COQ4: variants seen among roughly 807,000 people sequenced by gnomAD.
The protein encoded by COQ4 is coenzyme Q4.
A neutral mutation model predicts 30.2 loss-of-function variants in COQ4; 36 were observed. The ratio of observed to expected loss-of-function variants is 1.19; its 90% confidence interval spans 0.91 to 1.57. The LOEUF (loss-of-function observed/expected upper bound fraction) is 1.57, where lower values mean the gene tolerates loss of function less well. Ranked by LOEUF, COQ4 falls within the 40% of genes most tolerant of loss-of-function variation. The pLI is 0.00. For synonymous variants in COQ4, 197 were observed against 161.0 expected (o/e 1.22, Z -1.69); for missense variants, 369 against 371.9 (o/e 0.99, Z 0.07).
chr9:128,333,718 C>A lies in COQ4; in HGVS notation c.*73C>A. 2.3e-6 allele frequency: 3 copies of A among 1,292,274 alleles called. No individual in the cohort carries two copies. Among genetic ancestry groups the A allele is most frequent in the Non-Finnish European group, 3.1e-6 (3 of 968,794 alleles). 80.1% of individuals were successfully genotyped at this position (1,292,274 alleles called of 1,614,324 possible). On this transcript the variant is annotated 3_prime_UTR_variant, in exon 7 of 7. Coordinates refer to ENST00000300452, the MANE Select transcript of COQ4 (RefSeq NM_016035.5). The stretch of plus-strand genomic sequence containing the variant: ...CCTTGGAGGCAGAGGGCTCCCTTGA[C>A]TACCTTTGTTCCTCTTCTTTGAACA...
chr9:128,332,920 T>C lies in COQ4; in HGVS notation c.603T>C (p.Phe201=). ...GLPMCILGAF[F]GPIRLGAQSL... is the part of the protein sequence containing the mutation. Reference sequence around the variant, plus strand: ...CCATGTGCATCCTGGGTGCATTCTTTGGACCGATCCGACTTGGCGCTCAGT... The same window carrying C: ...CCATGTGCATCCTGGGTGCATTCTTCGGACCGATCCGACTTGGCGCTCAGT... Residue 201 remains phenylalanine (F), a synonymous_variant, in exon 6 of 7, where the codon TTT becomes TTC. Coordinates refer to ENST00000300452, the MANE Select transcript of COQ4 (RefSeq NM_016035.5). The C allele has an allele frequency of 5.0e-6, 8 of 1,614,128 alleles. No homozygotes were observed. The highest frequency in any genetic ancestry group is 1.3e-5 in the African/African-American group (1 of 75,050).
rs147142262 is a variant in COQ4, at chr9:128,332,211, A to G, written c.461A>G (p.Tyr154Cys). Residue 154 changes from tyrosine to cysteine, a missense_variant, in exon 5 of 7, where the codon TAT becomes TGT. Coordinates refer to ENST00000300452, the MANE Select transcript of COQ4 (RefSeq NM_016035.5). ...TTCGTGGATGATGAGGAGCTAGCGT[A>G]TGTGATTCAGCGGTACCGGGAGGTG... is the stretch of plus-strand genomic sequence containing the variant. ...TRFVDDEELA[Y>C]VIQRYREVHD... 6 of 1,611,676 alleles carry G rather than the reference A, an allele frequency of 3.7e-6. No homozygotes were observed. The highest frequency in any genetic ancestry group is 1.7e-4 in the Middle Eastern group (1 of 6,036).
chr9:128,328,012 A>G (rs564176627), intron 4 of COQ4, among the ~76,000 whole-genome samples: 1 of 152,340 alleles, frequency 6.6e-6, no homozygotes, highest in Admixed American at 6.5e-5. Flanking sequence ...TTGGAAGGTA[A>G]GGAGGAGCCA....
In COQ4 at chr9:128,333,876, A is replaced by C; in HGVS notation, c.*231A>C. ...AGCAGCTACCCAAGGAGAACCATGC[A>C]TGAACAGTATCAGTCGTCTGGGCTC... On this transcript the variant is annotated 3_prime_UTR_variant, in exon 7 of 7. Coordinates refer to ENST00000300452, the MANE Select transcript of COQ4 (RefSeq NM_016035.5). 2.5e-6 allele frequency: 1 copy of C among 393,532 alleles called. No homozygotes were observed. The highest frequency in any genetic ancestry group is 2.1e-5 in the African/African-American group (1 of 48,020). 24.4% of individuals were successfully genotyped at this position (393,532 alleles called of 1,614,324 possible). A position where few individuals can be genotyped will look rare whatever the true frequency, so the allele number is the denominator to read the frequency against.
In COQ4 at chr9:128,323,010, C is replaced by G. The variant is rs1212936918; in HGVS notation, c.71-6C>G. 4 of 1,611,430 alleles carry G rather than the reference C, an allele frequency of 2.5e-6. No homozygotes were observed. Among genetic ancestry groups the G allele is most frequent in the African/African-American group, 1.3e-5 (1 of 75,026 alleles). ...CTCTGACCTCGGCCTTTTTCTTGCCCCGCAGAAATGCCCCTCCGGGCTAGG... is the reference window on the plus strand; with the variant it reads ...CTCTGACCTCGGCCTTTTTCTTGCCGCGCAGAAATGCCCCTCCGGGCTAGG... On this transcript the variant is annotated splice_region_variant and splice_polypyrimidine_tract_variant and intron_variant, in intron 1 of 6. Coordinates refer to ENST00000300452, the MANE Select transcript of COQ4 (RefSeq NM_016035.5).
intron 5 of COQ4, 89 bp downstream of exon 5, chr9:128,332,371 AC>A: frequency 6.9e-7 from 1 of 1,444,482 alleles, no homozygotes; most frequent in Non-Finnish European, 9.5e-7. Context: ...CCTCTGCATC[AC>A]CTGGCTTGGT....
At chr9:128,326,129 C>G (rs1052498000) in intron 4 of COQ4, 3 of 575,482 alleles carry the variant, frequency 5.2e-6, no homozygotes, top group Non-Finnish European at 9.2e-6. Context: ...CATCCGTGAT[C>G]TTGCTGAATC....
Position 128,323,118 on chromosome 9 carries a change from C to G in COQ4, c.173C>G (p.Ala58Gly). The change falls in exon 2 of 7, where the codon GCG becomes GGG. Residue 58 changes from alanine to glycine, a missense_variant. Physicochemically the swap from Ala to Gly is moderately conservative, Grantham distance 60. Coordinates refer to ENST00000300452, the MANE Select transcript of COQ4 (RefSeq NM_016035.5). ...QKGLLAAGSAAMALYNPYRHD... is the reference protein window; with the variant it reads ...QKGLLAAGSAGMALYNPYRHD... ...GGGCTGTTGGCCGCCGGCTCCGCGGCGATGGCGCTCTATAACCCCTACCGC... is the reference window on the plus strand; with the variant it reads ...GGGCTGTTGGCCGCCGGCTCCGCGGGGATGGCGCTCTATAACCCCTACCGC... 1 of 1,610,094 alleles carries G rather than the reference C, an allele frequency of 6.2e-7. No homozygotes were observed.
At chr9:128,328,651 C>T (rs765365078) in intron 4 of COQ4, among the ~76,000 whole-genome samples, 1 of 152,182 alleles carries the variant, frequency 6.6e-6, no homozygotes, top group Non-Finnish European at 1.5e-5. Context: ...TTATTGTCCC[C>T]GAGACGATGT....
At chr9:128,330,475 AT>A (rs1832388016) in intron 4 of COQ4, 1 of 152,088 alleles carries the variant, frequency 6.6e-6, no homozygotes, top group East Asian at 1.9e-4. Flanking sequence ...TTTTTTTGCT[AT>A]TAAAATTAAG....
At chr9:128,330,103 G>C (rs1309144847) in intron 4 of COQ4, among the ~76,000 whole-genome samples, 3 of 152,016 alleles carry the variant, frequency 2.0e-5, no homozygotes, top group African/African-American at 7.3e-5. Context: ...GGGCACGGTG[G>C]CTCACAACTG....
chr9:128,324,783 T>C (rs903459689), intron 2 of COQ4, among the ~76,000 whole-genome samples: 2 of 142,890 alleles, frequency 1.4e-5, no homozygotes, highest in African/African-American at 3.0e-5. Context: ...GTGAAGCAAT[T>C]TGTACTAGGT....
chr9:128,329,623 G>A lies in COQ4; in HGVS notation c.403-2530G>A, dbSNP rs369721115. Among the ~76,000 whole-genome samples, 7 of 152,302 alleles carry A rather than the reference G, an allele frequency of 4.6e-5. No homozygotes were observed. In the East Asian group the frequency reaches 1.3e-3, roughly 29 times the overall value. On this transcript the variant is annotated intron_variant, in intron 4 of 6. Transcript: ENST00000300452. ...GACCTCAAGTGATCCGCTGGCCTTG[G>A]CCTCCCAAAGTGTTGGGATTACAGG...
rs944193359 is a variant in COQ4, at chr9:128,333,756, C to A, written c.*111C>A. On this transcript the variant is annotated 3_prime_UTR_variant, in exon 7 of 7. Transcript: ENST00000300452. Reference sequence around the variant, plus strand: ...TCTTCTTTGAACACTGACCCTTGGACAACATTTATCATAATTTGTCATAAC... The same window carrying A: ...TCTTCTTTGAACACTGACCCTTGGAAAACATTTATCATAATTTGTCATAAC... 179 of 1,000,110 alleles carry A rather than the reference C, an allele frequency of 1.8e-4. No individual in the cohort carries two copies. The highest frequency in any genetic ancestry group is 2.3e-4 in the Non-Finnish European group (168 of 723,598). 62.0% of individuals were successfully genotyped at this position (1,000,110 alleles called of 1,614,324 possible).
intron 4 of COQ4, among the ~76,000 whole-genome samples, chr9:128,327,023 C>T (rs1346787097): frequency 3.3e-5 from 5 of 152,158 alleles, no homozygotes; most frequent in Non-Finnish European, 7.3e-5. Context: ...GCTGGGACTA[C>T]AGGTGTGAGC....
chr9:128,329,573 T>C (rs573360446), intron 4 of COQ4, among the ~76,000 whole-genome samples: 362 of 152,286 alleles, frequency 2.4e-3, no homozygotes, highest in African/African-American at 8.0e-3. Flanking sequence ...TTTCATCATA[T>C]TGGCCAGGCT....
Position 128,325,208 on chromosome 9 carries a change from A to AGG in COQ4, c.269_270dup (p.Arg91GlyfsTer44), listed in dbSNP as rs761008411. 6.2e-7 allele frequency: 1 copy of AGG among 1,614,100 alleles called. No homozygotes were observed. Among genetic ancestry groups the AGG allele is most frequent in the Non-Finnish European group, 8.5e-7 (1 of 1,179,958 alleles). On this transcript the variant is annotated frameshift_variant, in exon 3 of 7. Transcript: ENST00000300452. LOFTEE classifies it high-confidence loss of function. ...CCTGAAGGTCCTCAGGGACCAGATG[A>AGG]GGAGGGATCCAGAGGGTGCCCAGAT...
At chr9:128,325,042 C>T in intron 2 of COQ4, 101 bp from the exon 3 acceptor site, 1 of 763,414 alleles carries the variant, frequency 1.3e-6, no homozygotes, top group Non-Finnish European at 2.2e-6. Flanking sequence ...AAGAGCTAGA[C>T]ATCATCCCTA....
chr9:128,333,033 A>T (rs1348404336), intron 6 of COQ4, 90 bp downstream of exon 6: 1 of 934,234 alleles, frequency 1.1e-6, no homozygotes, highest in East Asian at 2.5e-5. Flanking sequence ...TAGGAAGAGC[A>T]CACGGGCCCC....
Sources: gnomAD v4.1 joint callset for allele counts (sites outside exome capture counted in the v4.1 genomes callset) on GRCh38, gnomAD v4.1.1 for gene constraint, MANE v1.5 for transcripts, NCBI Gene and HGNC (gene_info 2026-07-23, HGNC 2026-07-21) for gene names.